Variants in TMEM132B observed in about 807,000 individuals in gnomAD.
The protein encoded by TMEM132B is transmembrane protein 132B.
A neutral mutation model predicts 90.8 loss-of-function variants in TMEM132B; 18 were observed. The ratio of observed to expected loss-of-function variants is 0.20; its 90% CI spans 0.14 to 0.29. The LOEUF is 0.29. Among genes scored for constraint, TMEM132B ranks in the 10% least tolerant of loss-of-function variants. The probability of loss-of-function intolerance (pLI) is 1.00; values close to 1 mark genes in which losing one functional copy is unlikely to be tolerated. For missense variants in TMEM132B, 1,096 were observed against 1,326.8 expected, an observed-to-expected ratio of 0.83 and a Z score of 2.70; for synonymous variants, 504 against 523.3, an observed-to-expected ratio of 0.96 and a Z score of 0.50.
At position 125,393,919 on chromosome 12, in the gene TMEM132B, T is replaced by C. The variant is rs570641730; in HGVS notation, c.960-21612T>C. Reference sequence around the variant, plus strand: ...AATCTCCTACTGTCTCTCCTATTGGTTGAACCCAACTGGAAGCCAGAGAGA... The same window carrying C: ...AATCTCCTACTGTCTCTCCTATTGGCTGAACCCAACTGGAAGCCAGAGAGA... On this transcript the variant is annotated intron_variant, in intron 2 of 8. Transcript: ENST00000682704. Among the ~76,000 whole-genome samples the C allele has an allele frequency of 5.3e-5, 8 of 152,286 alleles. No individual in the cohort carries two copies. In the East Asian group the frequency reaches 1.5e-3, roughly 29 times the overall value.
At chr12:125,611,647 G>C (rs1367344101) in intron 5 of TMEM132B, among the ~76,000 whole-genome samples, 1 of 151,840 alleles carries the variant, frequency 6.6e-6, no homozygotes, top group Non-Finnish European at 1.5e-5. Context: ...AATTTCTCTT[G>C]TTATTTATTG....
chr12:125,349,481 C>T lies in TMEM132B; in HGVS notation c.97C>T (p.Leu33=), dbSNP rs1005114501. 1.2e-6 allele frequency: 2 copies of T among 1,613,410 alleles called. No homozygotes were observed. The highest frequency in any genetic ancestry group is 1.7e-6 in the Non-Finnish European group (2 of 1,179,642). Residue 33 remains leucine, a synonymous_variant, in exon 2 of 9, where the codon CTG becomes TTG. Transcript: ENST00000682704. The surrounding 1 kb of genome is among the most constrained non-coding windows in gnomAD (Gnocchi z 4.1). ...VTESRGIVDS[L]QKFSSLPAYL... ...AGAGAGTCGAGGGATTGTGGATAGC[C>T]TGCAGAAGTTTTCCTCGCTCCCTGC...
intron 1 of TMEM132B, among the ~76,000 whole-genome samples, chr12:125,313,526 A>AC (rs1157914119): frequency 5.7e-5 from 1 of 17,410 alleles, no homozygotes; most frequent in Non-Finnish European, 1.1e-4. Context: ...TTCATTTCCC[A>AC]CCCCCTCCCA....
At chr12:125,244,641 C>A (rs546921919) in intron 1 of TMEM132B, among the ~76,000 whole-genome samples, 25 of 152,378 alleles carry the variant, frequency 1.6e-4, no homozygotes, top group African/African-American at 5.8e-4. Context: ...GTGGTTCCGA[C>A]TGTGCTGGCT....
At chr12:125,471,327 G>A (rs1051655104) in intron 3 of TMEM132B, among the ~76,000 whole-genome samples, 1 of 152,212 alleles carries the variant, frequency 6.6e-6, no homozygotes, top group African/African-American at 2.4e-5. Flanking sequence ...AAATAAAAAT[G>A]AAACTATGAA....
chr12:125,254,458 T>C (rs1874385548), intron 1 of TMEM132B, among the ~76,000 whole-genome samples: 2 of 152,074 alleles, frequency 1.3e-5, no homozygotes, highest in African/African-American at 4.8e-5. Flanking sequence ...GCAGCAGATG[T>C]TTCCTTGAGG....
intron 1 of TMEM132B, among the ~76,000 whole-genome samples, chr12:125,315,041 C>T (rs76277815): frequency 0.041 from 6,179 of 152,278 alleles, 210 homozygotes; most frequent in Middle Eastern, 0.075. Flanking sequence ...TCTAGACAGA[C>T]TCAAGAAGGC....
At chr12:125,269,200 T>C (rs1874764937) in intron 1 of TMEM132B, among the ~76,000 whole-genome samples, 1 of 152,206 alleles carries the variant, frequency 6.6e-6, no homozygotes, top group Non-Finnish European at 1.5e-5. Flanking sequence ...TAGGTTTACT[T>C]CATCACCTGA....
intron 1 of TMEM132B, among the ~76,000 whole-genome samples, chr12:125,230,769 G>A (rs1873802527): frequency 6.6e-6 from 1 of 151,826 alleles, no homozygotes; most frequent in Admixed American, 6.6e-5. Flanking sequence ...CTCGCAAAGT[G>A]CTGGGATTAC....
At chr12:125,324,469 T>C (rs1876508079) in intron 1 of TMEM132B, among the ~76,000 whole-genome samples, 1 of 152,180 alleles carries the variant, frequency 6.6e-6, no homozygotes, top group Non-Finnish European at 1.5e-5. Context: ...TTTTGCCAAA[T>C]TATCAATTTT....
chr12:125,470,773 T>A (rs1428774203), intron 3 of TMEM132B, among the ~76,000 whole-genome samples: 1 of 152,158 alleles, frequency 6.6e-6, no homozygotes, highest in Admixed American at 6.5e-5. Context: ...CTCACTGATA[T>A]GCTCATGGGT....
intron 4 of TMEM132B, among the ~76,000 whole-genome samples, chr12:125,577,810 TA>T (rs1200551855): frequency 2.0e-5 from 3 of 152,064 alleles, no homozygotes; most frequent in African/African-American, 7.2e-5. Flanking sequence ...TTTTCATTTT[TA>T]CTCATCTCAT....
At chr12:125,325,668 CCTGTGTGTGTGTGTGT>C (rs1197932697) in intron 1 of TMEM132B, among the ~76,000 whole-genome samples, 29 of 139,468 alleles carry the variant, frequency 2.1e-4, no homozygotes, top group African/African-American at 7.0e-4. Flanking sequence ...TGCCTCCCAC[CCTGTGTGTGTGTGTGT>C]GTGTGTGTGT....
At chr12:125,266,186 G>C (rs188612785) in intron 1 of TMEM132B, among the ~76,000 whole-genome samples, 1 of 151,998 alleles carries the variant, frequency 6.6e-6, no homozygotes, top group Non-Finnish European at 1.5e-5. Flanking sequence ...CTGAGATCGC[G>C]CCACTGCACT....
intron 3 of TMEM132B, among the ~76,000 whole-genome samples, chr12:125,426,201 A>T (rs576129488): frequency 1.5e-4 from 23 of 152,294 alleles, no homozygotes; most frequent in Non-Finnish European, 2.6e-4. Context: ...ATGATACATG[A>T]TGCTGAGTAT....
At chr12:125,378,632 C>T (rs1878567474) in intron 2 of TMEM132B, among the ~76,000 whole-genome samples, 1 of 152,082 alleles carries the variant, frequency 6.6e-6, no homozygotes, top group South Asian at 2.1e-4. Context: ...GTAAGAAACA[C>T]TTCGTTTTCC....
chr12:125,589,873 GA>G (rs1374289315), intron 5 of TMEM132B, among the ~76,000 whole-genome samples: 1 of 152,024 alleles, frequency 6.6e-6, no homozygotes, highest in Non-Finnish European at 1.5e-5. Context: ...TTCAACATGA[GA>G]TTTGGTGGGG....
chr12:125,329,038 G>A (rs1366664876), intron 1 of TMEM132B, among the ~76,000 whole-genome samples: 1 of 152,168 alleles, frequency 6.6e-6, no homozygotes, highest in East Asian at 1.9e-4. Context: ...TGTATTTGCT[G>A]AAGCCCTAAT....
At chr12:125,221,593 G>A (rs1036382832) in intron 1 of TMEM132B, among the ~76,000 whole-genome samples, 1 of 152,208 alleles carries the variant, frequency 6.6e-6, no homozygotes, top group African/African-American at 2.4e-5. Flanking sequence ...CAGGTCGTAG[G>A]AACATTTCAA....
Sources: gnomAD v4.1 joint callset for allele counts (sites outside exome capture counted in the v4.1 genomes callset) on GRCh38, gnomAD v4.1.1 for gene constraint, Gnocchi (gnomAD v3.1) non-coding constraint, MANE v1.5 for transcripts, NCBI Gene and HGNC (gene_info 2026-07-23, HGNC 2026-07-21) for gene names.